ME3: variants seen among roughly 807,000 people sequenced by gnomAD.
ME3 encodes the protein malic enzyme 3, also known as NADP-dependent malic enzyme, mitochondrial.
ME3 carries 48 observed loss-of-function variants against 68.9 expected under a neutral mutation model. The ratio of observed to expected loss-of-function variants is 0.70; its 90% CI spans 0.55 to 0.89. ME3 has a LOEUF of 0.89. ME3 is among the 40% of genes least tolerant of loss of function. The pLI is 0.00. For missense variants in ME3, 675 were observed against 797.4 expected, an observed-to-expected ratio of 0.85 and a Z score of 1.85; for synonymous variants, 320 against 318.8, an observed-to-expected ratio of 1.00 and a Z score of -0.04.
intron 2 of ME3, among the ~76,000 whole-genome samples, chr11:86,586,745 C>A (rs1190852202): frequency 1.3e-5 from 2 of 152,006 alleles, no homozygotes; most frequent in Admixed American, 1.3e-4. Context: ...GGGAAAACAG[C>A]TCTGAAAATG....
At position 86,646,798 on chromosome 11, in the gene ME3, G is replaced by C. The variant is rs564763811; in HGVS notation, c.183+24964C>G. ...AAGGAAAAAATGTTAAGGGCAGCCA[G>C]AGGGAAAGGTCAGATTACCCATAAA... On this transcript the variant is annotated intron_variant, in intron 2 of 14. Coordinates refer to ENST00000543262, the Ensembl canonical transcript of ME3. Among the ~76,000 whole-genome samples, 3 of 152,278 alleles carry C rather than the reference G, an allele frequency of 2.0e-5. No homozygotes were observed. In the South Asian group the frequency reaches 6.2e-4, roughly 32 times the overall value.
At chr11:86,532,262 G>C (rs547873962) in intron 4 of ME3, among the ~76,000 whole-genome samples, 6 of 152,154 alleles carry the variant, frequency 3.9e-5, no homozygotes, top group African/African-American at 1.4e-4. Context: ...GAGATAGACT[G>C]CAATACAATA....
chr11:86,455,775 C>G (rs1949883114), intron 8 of ME3, among the ~76,000 whole-genome samples: 1 of 152,212 alleles, frequency 6.6e-6, no homozygotes, highest in African/African-American at 2.4e-5. Context: ...ACTTTTTTAT[C>G]TAACCTGAAT....
chr11:86,544,405 T>C (rs889499461), intron 4 of ME3, among the ~76,000 whole-genome samples: 21 of 152,168 alleles, frequency 1.4e-4, no homozygotes, highest in African/African-American at 5.1e-4. Flanking sequence ...GATACACTGC[T>C]AGCCAGACTA....
intron 7 of ME3, among the ~76,000 whole-genome samples, chr11:86,479,941 A>C (rs1036039300): frequency 6.6e-6 from 1 of 151,840 alleles, no homozygotes; most frequent in Non-Finnish European, 1.5e-5. Flanking sequence ...CAGCCTCCTG[A>C]GTAGCTGAGA....
chr11:86,599,796 T>G (rs1960269020), intron 2 of ME3, among the ~76,000 whole-genome samples: 1 of 152,146 alleles, frequency 6.6e-6, no homozygotes, highest in South Asian at 2.1e-4. Flanking sequence ...GGGCCAATAT[T>G]CAACATTCTT....
intron 2 of ME3, among the ~76,000 whole-genome samples, chr11:86,629,502 T>C (rs1237255364): frequency 6.6e-6 from 1 of 152,224 alleles, no homozygotes; most frequent in Non-Finnish European, 1.5e-5. Flanking sequence ...CAGGAACTAG[T>C]ATACTTATAC....
At chr11:86,474,320 G>T (rs948345683) in intron 7 of ME3, among the ~76,000 whole-genome samples, 1 of 152,214 alleles carries the variant, frequency 6.6e-6, no homozygotes, top group Non-Finnish European at 1.5e-5. Flanking sequence ...CTGACGGCAA[G>T]TCTTGGCCAG....
At chr11:86,629,362 C>A (rs1202897420) in intron 2 of ME3, among the ~76,000 whole-genome samples, 2 of 123,422 alleles carry the variant, frequency 1.6e-5, no homozygotes, top group Non-Finnish European at 3.4e-5. Flanking sequence ...TTAAAGAAGC[C>A]CTTAACTTAA....
At chr11:86,477,302 T>C (rs1300344584) in intron 7 of ME3, among the ~76,000 whole-genome samples, 1 of 152,210 alleles carries the variant, frequency 6.6e-6, no homozygotes, top group East Asian at 1.9e-4. Flanking sequence ...GGCTCCCCTT[T>C]CTTAGATGAG....
chr11:86,670,646 T>A (rs1181289406), intron 2 of ME3, among the ~76,000 whole-genome samples: 1 of 152,232 alleles, frequency 6.6e-6, no homozygotes, highest in East Asian at 1.9e-4. Flanking sequence ...CTATTAGTTC[T>A]GTAGGAAACA....
At chr11:86,530,205 A>G (rs1269325891) in intron 4 of ME3, among the ~76,000 whole-genome samples, 1 of 152,220 alleles carries the variant, frequency 6.6e-6, no homozygotes, top group East Asian at 1.9e-4. Flanking sequence ...TTATACACCA[A>G]TAACAGACAG....
chr11:86,559,555 A>T, intron 3 of ME3, 135 bp downstream of exon 3: 1 of 1,059,140 alleles, frequency 9.4e-7, no homozygotes. Flanking sequence ...TTTAGAAGGT[A>T]GGGCTGAGTC....
chr11:86,655,753 C>T (rs1004694813), intron 2 of ME3, among the ~76,000 whole-genome samples: 1 of 151,632 alleles, frequency 6.6e-6, no homozygotes, highest in Admixed American at 6.6e-5. Context: ...CAAATGGAAT[C>T]TAATTAAACT....
At chr11:86,623,967 C>T (rs532873009) in intron 2 of ME3, among the ~76,000 whole-genome samples, 33 of 152,300 alleles carry the variant, frequency 2.2e-4, no homozygotes, top group African/African-American at 6.3e-4. Flanking sequence ...TGACGTACAA[C>T]GTGACCCCTT....
chr11:86,516,435 T>G (rs971403296), intron 4 of ME3, among the ~76,000 whole-genome samples: 2 of 152,190 alleles, frequency 1.3e-5, no homozygotes, highest in African/African-American at 4.8e-5. Context: ...TCACCCAGGC[T>G]GGAGTACAGT....
chr11:86,498,118 C>T lies in ME3; in HGVS notation c.550G>A (p.Val184Met), dbSNP rs755403826. 5.0e-6 allele frequency: 8 copies of T among 1,609,332 alleles called. No homozygotes were observed. In the Admixed American group the frequency reaches 8.4e-5, roughly 17 times the overall value. The change falls in exon 6 of 15, where the codon GTG (valine) becomes ATG (methionine). Residue 184 changes from valine (V) to methionine (M), a missense_variant. Physicochemically the swap from Val to Met is conservative, Grantham distance 21. Coordinates refer to ENST00000543262, the Ensembl canonical transcript of ME3. Reference sequence around the variant, plus strand: ...AGGATGCGCTCCCCATCAGTCACCACCACGGCCTGAAAAACAGCAGGGCAC... The same window carrying T: ...AGGATGCGCTCCCCATCAGTCACCATCACGGCCTGAAAAACAGCAGGGCAC...
intron 2 of ME3, among the ~76,000 whole-genome samples, chr11:86,608,432 TC>T (rs1325551571): frequency 6.6e-6 from 1 of 152,226 alleles, no homozygotes; most frequent in Non-Finnish European, 1.5e-5. Flanking sequence ...TTGAATCGAT[TC>T]GGGGAAATGA....
At chr11:86,489,621 G>A (rs374807989) in intron 6 of ME3, among the ~76,000 whole-genome samples, 6 of 152,232 alleles carry the variant, frequency 3.9e-5, no homozygotes, top group African/African-American at 9.6e-5. Context: ...GAGCATGGAG[G>A]GGGTGTGGGG....
Sources: allele counts gnomAD v4.1 joint callset (sites outside exome capture counted in the v4.1 genomes callset), GRCh38; gene constraint gnomAD v4.1.1; transcripts MANE v1.5; gene names NCBI Gene and HGNC (gene_info 2026-07-23, HGNC 2026-07-21).